Variants in AGPAT3 observed in about 807,000 individuals in gnomAD.
AGPAT3 encodes the protein 1-acylglycerol-3-phosphate O-acyltransferase 3, also known as 1-acyl-sn-glycerol-3-phosphate acyltransferase gamma.
Under a neutral mutation model 47.3 loss-of-function variants are expected in AGPAT3, and 5 were observed. The observed-to-expected ratio is 0.11, with a 90% CI of 0.06 to 0.22. AGPAT3 has a LOEUF of 0.22. AGPAT3 is among the 10% of genes least tolerant of loss of function. The pLI is 1.00. For missense variants in AGPAT3, 315 were observed against 493.0 expected, an observed-to-expected ratio of 0.64 and a Z score of 3.42; for synonymous variants, 212 against 208.3, an observed-to-expected ratio of 1.02 and a Z score of -0.15.
At chr21:43,884,356 G>A (rs117724982) in intron 1 of AGPAT3, among the ~76,000 whole-genome samples, 61 of 151,340 alleles carry the variant, frequency 4.0e-4, no homozygotes, top group Middle Eastern at 6.8e-3. Context: ...ACTGGTTTCC[G>A]ATGGTGGGTG....
rs1173193723 is a variant in AGPAT3, at chr21:43,971,297, G to GCCGGGT, written c.665-88_665-83dup. 10 of 1,132,546 alleles carry GCCGGGT rather than the reference G, an allele frequency of 8.8e-6. 1 individual carries two copies. Among genetic ancestry groups the GCCGGGT allele is most frequent in the Middle Eastern group, 2.0e-4 (1 of 5,036 alleles). 70.2% of individuals were successfully genotyped at this position (1,132,546 alleles called of 1,614,324 possible). On this transcript the variant is annotated intron_variant, in intron 6 of 9. Transcript: ENST00000291572. Reference sequence around the variant, plus strand: ...CCTCACGCGTTCTCCCCAGGACGGGGCCGGGTCCCAGGTGGAACTTGCTTT... The same window carrying GCCGGGT: ...CCTCACGCGTTCTCCCCAGGACGGGGCCGGGTCCGGGTCCCAGGTGGAACTTGCTTT...
At chr21:43,935,598 A>G (rs2087418669) in intron 2 of AGPAT3, among the ~76,000 whole-genome samples, 1 of 152,196 alleles carries the variant, frequency 6.6e-6, no homozygotes, top group African/African-American at 2.4e-5. Flanking sequence ...GGCCGGGCCC[A>G]CAGATGCTCA....
chr21:43,900,662 G>A (rs2086327760), intron 1 of AGPAT3, among the ~76,000 whole-genome samples: 1 of 152,316 alleles, frequency 6.6e-6, no homozygotes, highest in South Asian at 2.1e-4. Context: ...GCATGTGAAT[G>A]CTGCCCAGGT....
At chr21:43,888,920 C>T (rs749427431) in intron 1 of AGPAT3, among the ~76,000 whole-genome samples, 16 of 151,804 alleles carry the variant, frequency 1.1e-4, no homozygotes, top group South Asian at 2.1e-4. Flanking sequence ...ACCCGGAAGG[C>T]GGAGGTTGCA....
At chr21:43,936,848 G>C (rs1256615594) in intron 2 of AGPAT3, among the ~76,000 whole-genome samples, 1 of 152,240 alleles carries the variant, frequency 6.6e-6, no homozygotes, top group African/African-American at 2.4e-5. Context: ...GGGCTTCCCT[G>C]TGTATTTGCA....
intron 1 of AGPAT3, among the ~76,000 whole-genome samples, chr21:43,895,427 A>G (rs983577170): frequency 2.6e-5 from 4 of 151,776 alleles, no homozygotes; most frequent in Non-Finnish European, 5.9e-5. Context: ...GCATTTTACA[A>G]TGTTCTAATG....
rs1033773388 is a variant in AGPAT3 at position 43,960,673 on chromosome 21, A to G, written c.178+814A>G. 7 of 910,322 alleles carry G rather than the reference A, an allele frequency of 7.7e-6. No homozygotes were observed. The Admixed American group carries it at 1.9e-4, about 24-fold the overall frequency. The allele number at this position is 910,322 out of a possible 1,614,324, so 56.4% of individuals were successfully genotyped here. A position where few individuals can be genotyped will look rare whatever the true frequency, so the allele number is the denominator to read the frequency against. ...GCAACCCAAGCACCTGTCACTGGAG[A>G]CTAATTATGCGGCACCCATACAGGG... On this transcript the variant is annotated intron_variant, in intron 3 of 9. Transcript: ENST00000291572.
At chr21:43,878,736 CTTT>C (rs112902305) in intron 1 of AGPAT3, among the ~76,000 whole-genome samples, 4 of 140,756 alleles carry the variant, frequency 2.8e-5, no homozygotes, top group Non-Finnish European at 3.1e-5. Flanking sequence ...TTCCATTTGT[CTTT>C]TTTTTTTTTT....
chr21:43,921,039 G>C (rs1175177825), intron 2 of AGPAT3, among the ~76,000 whole-genome samples: 1 of 152,192 alleles, frequency 6.6e-6, no homozygotes, highest in Non-Finnish European at 1.5e-5. Context: ...CGTGAACCCT[G>C]GAGGCGGAGC....
intron 1 of AGPAT3, among the ~76,000 whole-genome samples, chr21:43,886,437 A>G (rs759052533): frequency 5.3e-5 from 8 of 151,886 alleles, no homozygotes; most frequent in Non-Finnish European, 1.0e-4. Flanking sequence ...TATTTTTAGT[A>G]AAGATGGTTT....
At chr21:43,968,996 C>T (rs1362356998) in intron 4 of AGPAT3, 122 bp from the exon 5 acceptor site, 3 of 1,041,516 alleles carry the variant, frequency 2.9e-6, no homozygotes, top group Middle Eastern at 3.1e-4. Flanking sequence ...ACCCCCTGAG[C>T]CACAAAGCCG....
At chr21:43,890,420 AT>A (rs899093287) in intron 1 of AGPAT3, among the ~76,000 whole-genome samples, 2 of 149,966 alleles carry the variant, frequency 1.3e-5, no homozygotes, top group Non-Finnish European at 1.5e-5. Flanking sequence ...CCCGGTCTCA[AT>A]TTTTTTTTTA....
rs1354939299 is a variant in AGPAT3 at position 43,918,044 on chromosome 21, TGTG to T, written c.-49+14027_-49+14029del. Among the ~76,000 whole-genome samples the T allele has an allele frequency of 9.3e-5, 9 of 96,758 alleles. No homozygotes were observed. The East Asian group carries it at 1.8e-3, about 20-fold the overall frequency. 63.5% of individuals were successfully genotyped at this position (96,758 alleles called of 152,430 possible). On this transcript the variant is annotated intron_variant, in intron 2 of 9. Transcript: ENST00000291572. ...TTGGTGTTGTAGGGGTTGTTGGTGTTGTGGGGGTTGTGGGTGTTGGGGTTGTGG... is the reference window on the plus strand; with the variant it reads ...TTGGTGTTGTAGGGGTTGTTGGTGTTGGGGTTGTGGGTGTTGGGGTTGTGG...
chr21:43,946,186 G>T (rs566068812), intron 2 of AGPAT3, among the ~76,000 whole-genome samples: 2 of 152,102 alleles, frequency 1.3e-5, no homozygotes, highest in African/African-American at 4.8e-5. Flanking sequence ...AAGCAAAGTC[G>T]AGAACTTACG....
In AGPAT3 at chr21:43,932,578, G is replaced by A. The variant is rs546980929; in HGVS notation, c.-48-27056G>A. On this transcript the variant is annotated intron_variant, in intron 2 of 9. Coordinates refer to ENST00000291572, the MANE Select transcript of AGPAT3 (RefSeq NM_020132.5). The surrounding 1 kb of genome is among the most constrained non-coding windows in gnomAD (Gnocchi z 5.2). ...ATGCTGCAGTGAACATGGGCGTGCC[G>A]GTGTCTATTTGACACACTGATTTCA... is the stretch of plus-strand genomic sequence containing the variant. Among the ~76,000 whole-genome samples, 12 of 152,302 alleles carry A rather than the reference G, an allele frequency of 7.9e-5. No homozygotes were observed. Among genetic ancestry groups the A allele is most frequent in the African/African-American group, 2.2e-4 (9 of 41,562 alleles).
At chr21:43,937,735 A>T (rs532447253) in intron 2 of AGPAT3, among the ~76,000 whole-genome samples, 67 of 152,188 alleles carry the variant, frequency 4.4e-4, no homozygotes, top group African/African-American at 1.5e-3. Context: ...GAAAAGGGAA[A>T]TTTCTTTTTG....
Position 43,981,317 on chromosome 21 carries a change from C to A in AGPAT3, c.1042+130C>A. 1 of 1,014,980 alleles carries A rather than the reference C, an allele frequency of 9.9e-7. No individual in the cohort carries two copies. Among genetic ancestry groups the A allele is most frequent in the Non-Finnish European group, 1.5e-6 (1 of 675,136 alleles). 62.9% of individuals were successfully genotyped at this position (1,014,980 alleles called of 1,614,324 possible). A position where few individuals can be genotyped will look rare whatever the true frequency, so the allele number is the denominator to read the frequency against. Reference sequence around the variant, plus strand: ...GCCTGGCTGTTATGGACCCTGGAGCCAGGATCCCCCCACGGCCTGCGGGCC... The same window carrying A: ...GCCTGGCTGTTATGGACCCTGGAGCAAGGATCCCCCCACGGCCTGCGGGCC... On this transcript the variant is annotated intron_variant, in intron 9 of 9. Transcript: ENST00000291572. This position sits in a 1 kb window ranked among gnomAD's most constrained non-coding sequence, Gnocchi z 5.3.
intron 2 of AGPAT3, among the ~76,000 whole-genome samples, chr21:43,926,386 G>A (rs189226654): frequency 2.6e-5 from 4 of 152,198 alleles, no homozygotes; most frequent in African/African-American, 9.6e-5. Flanking sequence ...AGGACAGCGG[G>A]GTGGTCCAGC....
rs913995815 is a variant in AGPAT3, at chr21:43,960,133, A to G, written c.178+274A>G. Among the ~76,000 whole-genome samples, 4 of 152,204 alleles carry G rather than the reference A, an allele frequency of 2.6e-5. No homozygotes were observed. In the South Asian group the frequency reaches 8.3e-4, roughly 31 times the overall value. On this transcript the variant is annotated intron_variant, in intron 3 of 9. Transcript: ENST00000291572. The stretch of plus-strand genomic sequence containing the variant: ...TGGGAATGTTTAAACAAAAGTAAAG[A>G]GAATGTTGAGTTCTGTTTACCCGTT...
Sources: allele counts gnomAD v4.1 joint callset (sites outside exome capture counted in the v4.1 genomes callset), GRCh38; gene constraint gnomAD v4.1.1; non-coding constraint Gnocchi (gnomAD v3.1); transcripts MANE v1.5; gene names NCBI Gene and HGNC (gene_info 2026-07-23, HGNC 2026-07-21).